SLC8A1: variants seen among roughly 807,000 people sequenced by gnomAD.
SLC8A1 encodes the protein sodium/calcium exchanger 1.
SLC8A1 carries 18 observed loss-of-function variants against 68.3 expected under a neutral mutation model. That is an observed-to-expected ratio of 0.26 (90% confidence interval 0.18 to 0.39). SLC8A1 has a LOEUF of 0.39. Among genes scored for constraint, SLC8A1 ranks in the 10% least tolerant of loss-of-function variants. The pLI is 1.00. For missense variants in SLC8A1, 985 were observed against 1,156.7 expected (o/e 0.85, Z 2.15); for synonymous variants, 475 against 415.5 (o/e 1.14, Z -1.74).
At chr2:40,186,663 C>T (rs1297229712) in intron 2 of SLC8A1, among the ~76,000 whole-genome samples, 1 of 152,122 alleles carries the variant, frequency 6.6e-6, no homozygotes, top group East Asian at 1.9e-4. Flanking sequence ...TTTCCTTTCT[C>T]GAAATCTTGA....
At chr2:40,405,224 C>T (rs987103432) in intron 2 of SLC8A1, among the ~76,000 whole-genome samples, 1 of 152,164 alleles carries the variant, frequency 6.6e-6, no homozygotes, top group Admixed American at 6.5e-5. Flanking sequence ...AAATGAATCC[C>T]ATTCTTATTA....
chr2:40,323,269 T>C (rs1347650073), intron 2 of SLC8A1, among the ~76,000 whole-genome samples: 2 of 152,302 alleles, frequency 1.3e-5, no homozygotes, highest in South Asian at 2.1e-4. Flanking sequence ...CATCCTGGAT[T>C]CTGTCAATAT....
chr2:40,383,604 A>T (rs918200970), intron 2 of SLC8A1, among the ~76,000 whole-genome samples: 6 of 152,244 alleles, frequency 3.9e-5, no homozygotes, highest in Middle Eastern at 3.4e-3. Context: ...ACAGAGAAAA[A>T]AATTAAATCT....
At chr2:40,368,735 C>G (rs11678256) in intron 2 of SLC8A1, among the ~76,000 whole-genome samples, 12,731 of 151,952 alleles carry the variant, frequency 0.084, 677 homozygotes, top group East Asian at 0.2. Context: ...CTGATCCTCT[C>G]TTTCCTCCCG....
At chr2:40,215,226 T>C (rs2057274379) in intron 2 of SLC8A1, among the ~76,000 whole-genome samples, 1 of 152,076 alleles carries the variant, frequency 6.6e-6, no homozygotes, top group African/African-American at 2.4e-5. Flanking sequence ...GGTGAAGTGG[T>C]GTGTTCATGG....
intron 2 of SLC8A1, among the ~76,000 whole-genome samples, chr2:40,383,609 A>C (rs1682632178): frequency 6.6e-6 from 1 of 152,146 alleles, no homozygotes; most frequent in African/African-American, 2.4e-5. Flanking sequence ...GAAAAAAATT[A>C]AATCTTAGAT....
chr2:40,097,925 C>G (rs2033670070), exon 8 of SLC8A1: 1 of 151,916 alleles, frequency 6.6e-6, no homozygotes, highest in Non-Finnish European at 1.5e-5. Flanking sequence ...CCTTTGAAAT[C>G]ACATATAACG....
chr2:40,338,765 AT>A (rs1666800287), intron 2 of SLC8A1, among the ~76,000 whole-genome samples: 8 of 152,198 alleles, frequency 5.3e-5, no homozygotes, highest in African/African-American at 1.9e-4. Context: ...TCTTTTAGAA[AT>A]TTCCTAATAG....
intron 2 of SLC8A1, among the ~76,000 whole-genome samples, chr2:40,212,279 A>ATATGTTT (rs2056726212): frequency 2.4e-5 from 1 of 41,328 alleles, no homozygotes; most frequent in Non-Finnish European, 6.5e-5. Flanking sequence ...AAGAGATGCA[A>ATATGTTT]TATCTTTTTT....
chr2:40,241,717 C>A (rs1256034036), intron 2 of SLC8A1, among the ~76,000 whole-genome samples: 2 of 152,130 alleles, frequency 1.3e-5, no homozygotes, highest in Non-Finnish European at 2.9e-5. Context: ...GACAGACACC[C>A]ATACTGAATC....
At chr2:40,393,005 A>C (rs897982958) in intron 2 of SLC8A1, among the ~76,000 whole-genome samples, 2 of 152,104 alleles carry the variant, frequency 1.3e-5, no homozygotes, top group African/African-American at 4.8e-5. Flanking sequence ...GAGGAGCAGG[A>C]GAAATGTTGT....
chr2:40,358,611 A>C (rs574583409), intron 2 of SLC8A1, among the ~76,000 whole-genome samples: 3 of 152,302 alleles, frequency 2.0e-5, no homozygotes, highest in Non-Finnish European at 4.4e-5. Flanking sequence ...TGCATGCATA[A>C]CCATTTGGTT....
At chr2:40,475,632 AC>A (rs1704249971) in intron 1 of SLC8A1, among the ~76,000 whole-genome samples, 1 of 152,116 alleles carries the variant, frequency 6.6e-6, no homozygotes, top group Non-Finnish European at 1.5e-5. Flanking sequence ...ATACATGTAC[AC>A]ATACATGTAC....
At chr2:40,413,922 A>C (rs1378639113) in intron 2 of SLC8A1, among the ~76,000 whole-genome samples, 1 of 152,208 alleles carries the variant, frequency 6.6e-6, no homozygotes, top group South Asian at 2.1e-4. Context: ...TGCATGTAGT[A>C]AAACAGATTG....
At chr2:40,124,481 GA>G (rs1255315607) in intron 7 of SLC8A1, among the ~76,000 whole-genome samples, 2 of 152,174 alleles carry the variant, frequency 1.3e-5, no homozygotes, top group Admixed American at 1.3e-4. Context: ...CGTGAGACTT[GA>G]ATGGGTTCTG....
intron 2 of SLC8A1, among the ~76,000 whole-genome samples, chr2:40,211,511 C>T (rs898531168): frequency 4.0e-4 from 61 of 152,224 alleles, no homozygotes; most frequent in Admixed American, 3.0e-3. Context: ...TGGAGGCATG[C>T]TAAGTGGTTG....
intron 1 of SLC8A1, among the ~76,000 whole-genome samples, chr2:40,488,772 T>C (rs1705134500): frequency 6.6e-6 from 1 of 152,144 alleles, no homozygotes; most frequent in African/African-American, 2.4e-5. Context: ...TTTCTTTGCT[T>C]GTCTGAGATT....
intron 2 of SLC8A1, among the ~76,000 whole-genome samples, chr2:40,399,173 C>A (rs1576115487): frequency 6.6e-6 from 1 of 152,236 alleles, no homozygotes; most frequent in Non-Finnish European, 1.5e-5. Context: ...AACAGAACTG[C>A]AGAAATGTTG....
intron 2 of SLC8A1, among the ~76,000 whole-genome samples, chr2:40,252,180 G>A (rs2062866177): frequency 6.6e-6 from 1 of 152,182 alleles, no homozygotes; most frequent in African/African-American, 2.4e-5. Context: ...GAATTTACAG[G>A]TGGCTGAAGT....
Sources: gnomAD v4.1 joint callset for allele counts (sites outside exome capture counted in the v4.1 genomes callset) on GRCh38, gnomAD v4.1.1 for gene constraint, MANE v1.5 for transcripts, NCBI Gene and HGNC (gene_info 2026-07-23, HGNC 2026-07-21) for gene names.